Variants in SSH2 observed in about 807,000 individuals in gnomAD.
SSH2 encodes the protein slingshot protein phosphatase 2.
SSH2 carries 37 observed loss-of-function variants against 135.2 expected under a neutral mutation model. The observed-to-expected ratio is 0.27, with a 90% CI of 0.21 to 0.36. The LOEUF (loss-of-function observed/expected upper bound fraction) is 0.36. SSH2 is among the 10% of genes least tolerant of loss of function. The pLI is 1.00. For synonymous variants in SSH2, 628 were observed against 646.2 expected (o/e 0.97, Z 0.43); for missense variants, 1,408 against 1,765.3 (o/e 0.80, Z 3.63).
At chr17:29,653,310 T>C (rs1197878990) in intron 12 of SSH2, among the ~76,000 whole-genome samples, 2 of 152,210 alleles carry the variant, frequency 1.3e-5, no homozygotes, top group Non-Finnish European at 2.9e-5. Context: ...ATTCTTCACA[T>C]ATTAAAATTT....
At chr17:29,663,670 A>G (rs1367180714) in intron 11 of SSH2, among the ~76,000 whole-genome samples, 3 of 152,272 alleles carry the variant, frequency 2.0e-5, no homozygotes, top group African/African-American at 2.4e-5. Flanking sequence ...AAATATGTAC[A>G]TATATACACA....
intron 2 of SSH2, among the ~76,000 whole-genome samples, chr17:29,809,083 G>A (rs928917775): frequency 1.3e-4 from 20 of 152,122 alleles, no homozygotes; most frequent in African/African-American, 3.1e-4. Context: ...GCAAAACTTC[G>A]TCTCTACTAA....
rs958053909 is a variant in SSH2, at chr17:29,632,787, G to C, written c.2407C>G (p.Pro803Ala). ...IQLKGDILPNPCHTPKKNSIH... is the reference protein window; with the variant it reads ...IQLKGDILPNACHTPKKNSIH... ...CTGTTCTTCTTTGGTGTATGGCATG[G>C]GTTGGGTAAGATGTCTCCTTTCAGT... The change falls in exon 16 of 16, where the codon CCA becomes GCA. Residue 803 changes from proline (P) to alanine (A), a missense_variant. Coordinates refer to ENST00000540801, the MANE Select transcript of SSH2 (RefSeq NM_001282129.2). 3.1e-6 allele frequency: 5 copies of C among 1,614,020 alleles called. No individual in the cohort carries two copies. Among genetic ancestry groups the C allele is most frequent in the Non-Finnish European group, 3.4e-6 (4 of 1,180,024 alleles).
chr17:29,788,570 T>G (rs1056857563), intron 3 of SSH2, among the ~76,000 whole-genome samples: 1 of 152,006 alleles, frequency 6.6e-6, no homozygotes, highest in Non-Finnish European at 1.5e-5. Flanking sequence ...CTTTCTTTTC[T>G]TTCTTTCTTT....
intron 2 of SSH2, among the ~76,000 whole-genome samples, chr17:29,848,005 C>T (rs1161945662): frequency 6.6e-6 from 1 of 152,192 alleles, no homozygotes; most frequent in African/African-American, 2.4e-5. Context: ...TAGTGCTGTT[C>T]CACAAGGAGC....
intron 8 of SSH2, chr17:29,674,133 T>C: frequency 2.2e-6 from 1 of 456,736 alleles, no homozygotes; most frequent in South Asian, 1.5e-5. Context: ...TACATCACAG[T>C]GTTTGTTCCT....
intron 4 of SSH2, among the ~76,000 whole-genome samples, chr17:29,696,248 G>A (rs1044824837): frequency 1.0e-4 from 15 of 145,038 alleles, no homozygotes; most frequent in African/African-American, 2.8e-4. Flanking sequence ...GTGAGACTCC[G>A]TCTCAAAAAA....
intron 3 of SSH2, among the ~76,000 whole-genome samples, chr17:29,786,434 T>TC (rs2041966206): frequency 6.6e-6 from 1 of 152,144 alleles, no homozygotes; most frequent in Non-Finnish European, 1.5e-5. Context: ...AAGTCCCTGT[T>TC]CCCCCTTTGT....
chr17:29,876,828 A>G (rs912430364), intron 1 of SSH2, among the ~76,000 whole-genome samples: 1 of 151,342 alleles, frequency 6.6e-6, no homozygotes, highest in Non-Finnish European at 1.5e-5. Flanking sequence ...CTTGAGTAAT[A>G]CCCCACATGC....
chr17:29,864,607 A>G (rs2065821987), intron 1 of SSH2, among the ~76,000 whole-genome samples: 1 of 150,674 alleles, frequency 6.6e-6, no homozygotes, highest in African/African-American at 2.4e-5. Flanking sequence ...GTAGTTGCAA[A>G]TTCACACCCT....
intron 1 of SSH2, among the ~76,000 whole-genome samples, chr17:29,857,525 T>G (rs1237092228): frequency 6.6e-6 from 1 of 152,178 alleles, no homozygotes; most frequent in Non-Finnish European, 1.5e-5. Flanking sequence ...AGAGTCTTGC[T>G]GTCACCCAGG....
At chr17:29,703,511 T>C (rs569635402) in intron 3 of SSH2, among the ~76,000 whole-genome samples, 1 of 152,276 alleles carries the variant, frequency 6.6e-6, no homozygotes, top group East Asian at 1.9e-4. Context: ...CCTCCCAAAG[T>C]GCTGGGAATA....
intron 14 of SSH2, chr17:29,645,941 A>C (rs1203272761): frequency 6.6e-6 from 1 of 152,206 alleles, no homozygotes; most frequent in Non-Finnish European, 1.5e-5. Context: ...CTGGAAGGCT[A>C]TGTAACATTT....
At chr17:29,849,201 C>T (rs998937683) in intron 1 of SSH2, among the ~76,000 whole-genome samples, 4 of 152,106 alleles carry the variant, frequency 2.6e-5, no homozygotes, top group Non-Finnish European at 4.4e-5. Flanking sequence ...TGCTGCTAGC[C>T]GGGCACAGTG....
At chr17:29,830,477 T>C (rs1031597248) in intron 2 of SSH2, among the ~76,000 whole-genome samples, 1 of 152,218 alleles carries the variant, frequency 6.6e-6, no homozygotes, top group African/African-American at 2.4e-5. Context: ...TATTGTATAC[T>C]TTCCGATTTG....
intron 3 of SSH2, among the ~76,000 whole-genome samples, chr17:29,724,964 C>T (rs1402213805): frequency 6.6e-6 from 1 of 151,970 alleles, no homozygotes; most frequent in African/African-American, 2.4e-5. Context: ...GAATACATCA[C>T]AGATTTTCAT....
At chr17:29,745,005 T>A (rs1449067739) in intron 3 of SSH2, among the ~76,000 whole-genome samples, 1 of 152,026 alleles carries the variant, frequency 6.6e-6, no homozygotes, top group Non-Finnish European at 1.5e-5. Context: ...CTGGTACTGA[T>A]TCAATAACAA....
intron 2 of SSH2, among the ~76,000 whole-genome samples, chr17:29,825,737 T>C (rs531769997): frequency 6.6e-6 from 1 of 152,334 alleles, no homozygotes; most frequent in East Asian, 1.9e-4. Flanking sequence ...ACGCCATCAT[T>C]GTCCTGCCCA....
At chr17:29,665,505 T>C (rs2037232689) in intron 11 of SSH2, among the ~76,000 whole-genome samples, 1 of 152,222 alleles carries the variant, frequency 6.6e-6, no homozygotes, top group African/African-American at 2.4e-5. Context: ...TCCAGTTTAG[T>C]CAGTTCCTGA....
Sources: allele counts gnomAD v4.1 joint callset (sites outside exome capture counted in the v4.1 genomes callset), GRCh38; gene constraint gnomAD v4.1.1; transcripts MANE v1.5; gene names NCBI Gene and HGNC (gene_info 2026-07-23, HGNC 2026-07-21).